Variants in CDH18 observed in about 807,000 individuals in gnomAD.
CDH18 encodes cadherin 18.
In CDH18, 31 loss-of-function variants were observed where a neutral mutation model predicts 67.9. The ratio of observed to expected loss-of-function variants is 0.46; its 90% confidence interval spans 0.34 to 0.62. The LOEUF (loss-of-function observed/expected upper bound fraction) is 0.62, where lower values mean the gene tolerates loss of function less well. Among genes scored for constraint, CDH18 ranks in the 20% least tolerant of loss-of-function variants. The probability of loss-of-function intolerance (pLI) is 0.01; values close to 1 mark genes in which losing one functional copy is unlikely to be tolerated. For synonymous variants in CDH18, 362 were observed against 347.2 expected (o/e 1.04, Z -0.48); for missense variants, 890 against 975.5 (o/e 0.91, Z 1.17).
chr5:20,504,760 A>ATTTTTTTTTTTTTTTTT (rs70954666), intron 1 of CDH18, among the ~76,000 whole-genome samples: 1 of 67,990 alleles, frequency 1.5e-5, no homozygotes, highest in Non-Finnish European at 2.9e-5. Context: ...ACAAAAGGGA[A>ATTTTTTTTTTTTTTTTT]TTTTTTTTTT....
At chr5:19,855,361 T>C (rs1405188664) in intron 2 of CDH18, among the ~76,000 whole-genome samples, 2 of 152,188 alleles carry the variant, frequency 1.3e-5, no homozygotes, top group African/African-American at 4.8e-5. Context: ...TATATCTCCT[T>C]CTTTATGCAT....
At chr5:20,376,091 A>ATTTTTTTTTTTGTTTTTTTTTTTT (rs1743398802) in intron 1 of CDH18, among the ~76,000 whole-genome samples, 1 of 49,748 alleles carries the variant, frequency 2.0e-5, no homozygotes, top group Non-Finnish European at 3.8e-5. Flanking sequence ...AAAAGAAACA[A>ATTTTTTTTTTTGTTTTTTTTTTTT]TTTTTTTTTT....
chr5:20,178,722 A>G (rs1737441119), intron 2 of CDH18, among the ~76,000 whole-genome samples: 1 of 152,026 alleles, frequency 6.6e-6, no homozygotes, highest in Non-Finnish European at 1.5e-5. Flanking sequence ...CTACGTTGTA[A>G]TTTGCAGTTC....
At chr5:19,689,457 A>T (rs1448102320) in intron 5 of CDH18, among the ~76,000 whole-genome samples, 1 of 151,472 alleles carries the variant, frequency 6.6e-6, no homozygotes, top group Non-Finnish European at 1.5e-5. Context: ...ATGAAGAAGA[A>T]ATAGTCTTTC....
intron 2 of CDH18, among the ~76,000 whole-genome samples, chr5:20,067,266 A>C (rs1431645697): frequency 6.6e-6 from 1 of 151,572 alleles, no homozygotes; most frequent in Non-Finnish European, 1.5e-5. Context: ...ATTTTAGACC[A>C]GTTTTTTAGT....
At chr5:20,509,829 T>G (rs1754917018) in intron 1 of CDH18, among the ~76,000 whole-genome samples, 1 of 152,228 alleles carries the variant, frequency 6.6e-6, no homozygotes, top group Non-Finnish European at 1.5e-5. Flanking sequence ...TCTGGGCTAT[T>G]GTGAATAGTG....
chr5:19,742,371 C>A (rs1486347294), intron 4 of CDH18, among the ~76,000 whole-genome samples: 2 of 151,754 alleles, frequency 1.3e-5, no homozygotes, highest in Middle Eastern at 3.4e-3. Context: ...CATGATCTTC[C>A]TATTTCCCCA....
At chr5:20,099,046 AT>A (rs1487424545) in intron 2 of CDH18, among the ~76,000 whole-genome samples, 1 of 152,204 alleles carries the variant, frequency 6.6e-6, no homozygotes, top group Non-Finnish European at 1.5e-5. Flanking sequence ...ATAAAACTAA[AT>A]TTCATCAAAT....
At chr5:20,559,160 AT>A (rs1283278879) in intron 1 of CDH18, among the ~76,000 whole-genome samples, 1 of 151,902 alleles carries the variant, frequency 6.6e-6, no homozygotes, top group Non-Finnish European at 1.5e-5. Context: ...TAAGAAAAAA[AT>A]TAAGATTTTC....
chr5:20,417,165 C>A (rs541527666), intron 1 of CDH18, among the ~76,000 whole-genome samples: 2 of 152,106 alleles, frequency 1.3e-5, no homozygotes, highest in East Asian at 3.9e-4. Flanking sequence ...GATATTTTTT[C>A]TTTCATGCTA....
intron 5 of CDH18, among the ~76,000 whole-genome samples, chr5:19,624,320 T>A (rs1366829077): frequency 6.6e-6 from 1 of 152,066 alleles, no homozygotes; most frequent in Non-Finnish European, 1.5e-5. Flanking sequence ...TACTCATTAA[T>A]CTAAAAAGAC....
intron 1 of CDH18, among the ~76,000 whole-genome samples, chr5:20,415,317 G>T (rs1747201390): frequency 6.6e-6 from 1 of 151,760 alleles, no homozygotes; most frequent in Admixed American, 6.6e-5. Flanking sequence ...AACTTGGGAG[G>T]CGGAGGTTGC....
intron 1 of CDH18, among the ~76,000 whole-genome samples, chr5:20,478,194 G>C (rs924398613): frequency 6.6e-6 from 1 of 152,148 alleles, no homozygotes; most frequent in Non-Finnish European, 1.5e-5. Flanking sequence ...GTAGCAATGA[G>C]GAGAGTCTTT....
intron 3 of CDH18, among the ~76,000 whole-genome samples, chr5:19,762,123 T>C (rs902693860): frequency 1.3e-5 from 2 of 152,122 alleles, no homozygotes; most frequent in Non-Finnish European, 2.9e-5. Context: ...ATGTTAGACC[T>C]AAAACCATAA....
chr5:20,054,640 T>A (rs1301459988), intron 2 of CDH18, among the ~76,000 whole-genome samples: 3 of 152,182 alleles, frequency 2.0e-5, no homozygotes, highest in Non-Finnish European at 4.4e-5. Context: ...GGGTATATTC[T>A]TAGCTTTGAC....
rs547089099 is a variant in CDH18 at position 20,378,324 on chromosome 5, A to C, written c.-579-122819T>G. ...GTAGCTGGGACTACAGGCACCCACCACCACGCCCAGCTAATTTTTGGTATT... is the reference window on the plus strand; with the variant it reads ...GTAGCTGGGACTACAGGCACCCACCCCCACGCCCAGCTAATTTTTGGTATT... On this transcript the variant is annotated intron_variant, in intron 1 of 14. Coordinates refer to the CDH18 transcript ENST00000507958. Among the ~76,000 whole-genome samples the C allele has an allele frequency of 3.3e-5, 5 of 151,988 alleles. No individual in the cohort carries two copies. The South Asian group carries it at 1.0e-3, about 32-fold the overall frequency.
intron 5 of CDH18, among the ~76,000 whole-genome samples, chr5:19,668,411 T>G (rs1261054663): frequency 6.6e-6 from 1 of 151,986 alleles, no homozygotes; most frequent in South Asian, 2.1e-4. Context: ...ATAATAAACA[T>G]CCGCTTATAT....
chr5:19,706,710 A>C (rs1764013246), intron 5 of CDH18, among the ~76,000 whole-genome samples: 1 of 152,224 alleles, frequency 6.6e-6, no homozygotes, highest in South Asian at 2.1e-4. Flanking sequence ...AGGCTATACT[A>C]GCCAAATTCC....
intron 1 of CDH18, among the ~76,000 whole-genome samples, chr5:20,402,268 A>G (rs1745835419): frequency 6.6e-6 from 1 of 152,176 alleles, no homozygotes; most frequent in Non-Finnish European, 1.5e-5. Flanking sequence ...ATCTGAGATG[A>G]ACTCTGTGTA....
Sources: gnomAD v4.1 joint callset for allele counts (sites outside exome capture counted in the v4.1 genomes callset) on GRCh38, gnomAD v4.1.1 for gene constraint, MANE v1.5 for transcripts, NCBI Gene and HGNC (gene_info 2026-07-23, HGNC 2026-07-21) for gene names.